The following CLCF1 variants were observed in gnomAD, a reference collection of about 807,000 sequenced individuals.
CLCF1 encodes cardiotrophin like cytokine factor 1, also known as cardiotrophin-like cytokine factor 1.
Under a neutral mutation model 21.2 loss-of-function variants are expected in CLCF1, and 10 were observed. The ratio of observed to expected loss-of-function variants is 0.47; its 90% confidence interval spans 0.29 to 0.80. The LOEUF (loss-of-function observed/expected upper bound fraction) is 0.80. Ranked by LOEUF, CLCF1 falls within the 30% of genes least tolerant of loss-of-function variation. The probability of loss-of-function intolerance (pLI) is 0.09; values close to 1 mark genes in which losing one functional copy is unlikely to be tolerated. For synonymous variants in CLCF1, 115 were observed against 120.5 expected (o/e 0.95, Z 0.30); for missense variants, 240 against 293.4 (o/e 0.82, Z 1.33).
Position 67,373,521 on chromosome 11 carries a change from T to C in CLCF1, c.16+3A>G. 1 of 1,422,186 alleles carries C rather than the reference T, an allele frequency of 7.0e-7. No homozygotes were observed. 88.1% of individuals were successfully genotyped at this position (1,422,186 alleles called of 1,614,324 possible). On this transcript the variant is annotated splice_donor_region_variant and intron_variant, in intron 1 of 2. Transcript: ENST00000312438. ...GTCGGGGCCTCGGCCGCCTGGCTCC[T>C]ACCTGCTCGGAGGTCCATGGGGCTG...
rs1385104199 is a variant in CLCF1, at chr11:67,372,081, G to A, written c.16+1443C>T. On this transcript the variant is annotated intron_variant, in intron 1 of 2. Transcript: ENST00000312438. This position sits in a 1 kb window ranked among gnomAD's most constrained non-coding sequence, Gnocchi z 5.9. ...TATGTACTCGCATCCTGTCCGGTGT[G>A]AGGGGCAACGTGTGCTCCCGAGCTG... Among the ~76,000 whole-genome samples, 3 of 152,166 alleles carry A rather than the reference G, an allele frequency of 2.0e-5. No homozygotes were observed. Among genetic ancestry groups the A allele is most frequent in the African/African-American group, 7.2e-5 (3 of 41,430 alleles).
chr11:67,373,728 T>C (rs1393289891), upstream of CLCF1: 5 of 1,182,040 alleles, frequency 4.2e-6, no homozygotes, highest in East Asian at 3.6e-5. Flanking sequence ...TTTTTTTTTT[T>C]CTGACGTGTA....
chr11:67,373,213 C>G (rs1034526234), intron 1 of CLCF1, among the ~76,000 whole-genome samples: 1 of 151,856 alleles, frequency 6.6e-6, no homozygotes, highest in Non-Finnish European at 1.5e-5. Context: ...CCGACTGGTG[C>G]GCGGGGCTCT....
At position 67,367,753 on chromosome 11, in the gene CLCF1, A is replaced by C. The variant is rs1490485342; in HGVS notation, c.17-127T>G. 5 of 1,518,060 alleles carry C rather than the reference A, an allele frequency of 3.3e-6. 1 individual carries two copies. In the South Asian group the frequency reaches 6.1e-5, roughly 18 times the overall value. 94.0% of individuals were successfully genotyped at this position (1,518,060 alleles called of 1,614,324 possible). A position where few individuals can be genotyped will look rare whatever the true frequency, so the allele number is the denominator to read the frequency against. On this transcript the variant is annotated intron_variant, in intron 1 of 2. Transcript: ENST00000312438. ...GGGTGAGGGTGGGACACCAGATGGG[A>C]GGCAGAGGGGATGGAGGAGGGGAAA...
chr11:67,368,256 A>C, intron 1 of CLCF1: 1 of 985,240 alleles, frequency 1.0e-6, no homozygotes. Context: ...TGGGAAGTGT[A>C]GGGTGGGGTT....
At chr11:67,371,131 CGT>C in intron 1 of CLCF1, 1 of 959,898 alleles carries the variant, frequency 1.0e-6, no homozygotes, top group Non-Finnish European at 1.2e-6. Flanking sequence ...GCCCCAGGGG[CGT>C]GTCCTGACCT....
chr11:67,371,206 C>T (rs1862226173), intron 1 of CLCF1: 2 of 374,286 alleles, frequency 5.3e-6, no homozygotes, highest in Admixed American at 6.4e-5. Flanking sequence ...TGCTGCTTTC[C>T]CCTCTCTTAC....
At chr11:67,370,023 G>T (rs1300351227) in intron 1 of CLCF1, 4 of 985,192 alleles carry the variant, frequency 4.1e-6, no homozygotes, top group East Asian at 1.1e-4. Flanking sequence ...CGGGTGGGGG[G>T]CAGGGGAGAA....
In CLCF1 at chr11:67,365,137, CAG is replaced by C. The variant is rs1862068289; in HGVS notation, c.675_676del (p.Phe225LeufsTer19). On this transcript the variant is annotated frameshift_variant and stop_lost, in exon 3 of 3. Coordinates refer to ENST00000312438, the MANE Select transcript of CLCF1 (RefSeq NM_013246.3). LOFTEE classifies it high-confidence loss of function. The surrounding 1 kb of genome is among the most constrained non-coding windows in gnomAD (Gnocchi z 5.0). ...GAGCGAAGAGGAGAAGGTCAGAAGT[CAG>C]AAGCCATGAGCCCCCAGGTGCAGGG... The C allele has an allele frequency of 6.2e-7, 1 of 1,613,638 alleles. No individual in the cohort carries two copies. The highest frequency in any genetic ancestry group is 8.5e-7 in the Non-Finnish European group (1 of 1,180,040).
Position 67,367,595 on chromosome 11 carries a change from G to C in CLCF1, c.48C>G (p.Cys16Trp), listed in dbSNP as rs1242939205. Residue 16 changes from cysteine (C) to tryptophan (W), a missense_variant, in exon 2 of 3, where the codon TGC becomes TGG. Physicochemically the swap from Cys to Trp is radical, Grantham distance 215 (BLOSUM62 -2). Coordinates refer to ENST00000312438, the MANE Select transcript of CLCF1 (RefSeq NM_013246.3). ...CTGCAGGGAGGTGCCAGAGCACCGT[G>C]CACAGGCACGCTAACATCCCCCACG... The part of the protein sequence containing the change: ...GDSWGMLACL[C>W]TVLWHLPAVP... 5 of 1,613,678 alleles carry C rather than the reference G, an allele frequency of 3.1e-6. No individual in the cohort carries two copies. The South Asian group carries it at 5.5e-5, about 18-fold the overall frequency.
At chr11:67,369,549 G>A in intron 1 of CLCF1, 1 of 985,358 alleles carries the variant, frequency 1.0e-6, no homozygotes, top group South Asian at 4.7e-5. Flanking sequence ...TAGGGATCTG[G>A]CAGTCACCTC....
In CLCF1 at chr11:67,365,531, G is replaced by C. The variant is rs2134873851; in HGVS notation, c.283C>G (p.Arg95Gly). 4 of 1,614,058 alleles carry C rather than the reference G, an allele frequency of 2.5e-6. No homozygotes were observed. Among genetic ancestry groups the C allele is most frequent in the Non-Finnish European group, 3.4e-6 (4 of 1,179,908 alleles). ...AGCCGCAGTTTGTCATTGAGGCTTC[G>C]CCACACCTCCAAGTCAACAGTGGCC... ...PRATVDLEVW[R>G]SLNDKLRLTQ... Residue 95 changes from arginine to glycine, a missense_variant, in exon 3 of 3, where the codon CGA becomes GGA. By Grantham distance (125) the Arg-to-Gly change is moderately radical (BLOSUM62 -2). Transcript: ENST00000312438. The surrounding 1 kb of genome is among the most constrained non-coding windows in gnomAD (Gnocchi z 5.0).
intron 1 of CLCF1, among the ~76,000 whole-genome samples, chr11:67,371,331 C>T (rs1027905389): frequency 6.6e-6 from 1 of 152,178 alleles, no homozygotes. Context: ...GCCACCAATT[C>T]GTCTGGTGAC....
intron 1 of CLCF1, chr11:67,369,630 C>T: frequency 1.0e-6 from 1 of 985,452 alleles, no homozygotes; most frequent in Non-Finnish European, 1.2e-6. Flanking sequence ...CAGCGGCCCT[C>T]CCAGCCTTGA....
Position 67,371,093 on chromosome 11 carries a change from G to A in CLCF1, c.16+2431C>T, listed in dbSNP as rs1398987707. On this transcript the variant is annotated intron_variant, in intron 1 of 2. Transcript: ENST00000312438. ...AGTGGGCTAGGGATGGAGTGGGTGA[G>A]GTCCAGGCATTGTGACGGTAGGAAA... is the stretch of plus-strand genomic sequence containing the variant. 1.7e-5 allele frequency: 17 copies of A among 985,232 alleles called. No homozygotes were observed. The Admixed American group carries it at 9.2e-4, about 53-fold the overall frequency. 61.0% of individuals were successfully genotyped at this position (985,232 alleles called of 1,614,324 possible).
At position 67,373,546 on chromosome 11, in the gene CLCF1, G is replaced by A; in HGVS notation, c.-7C>T. 7.1e-7 allele frequency: 1 copy of A among 1,402,754 alleles called. No individual in the cohort carries two copies. The allele number at this position is 1,402,754 out of a possible 1,614,324, so 86.9% of individuals were successfully genotyped here. A position where few individuals can be genotyped will look rare whatever the true frequency, so the allele number is the denominator to read the frequency against. On this transcript the variant is annotated 5_prime_UTR_variant, in exon 1 of 3. Transcript: ENST00000312438. ...TACCTGCTCGGAGGTCCATGGGGCTGGGGCCGGGCCGGCCGGGTGCGGCTC... is the reference window on the plus strand; with the variant it reads ...TACCTGCTCGGAGGTCCATGGGGCTAGGGCCGGGCCGGCCGGGTGCGGCTC...
chr11:67,370,344 G>A (rs1165099709), intron 1 of CLCF1: 1 of 985,136 alleles, frequency 1.0e-6, no homozygotes, highest in African/African-American at 1.7e-5. Flanking sequence ...TGTGCAGGTG[G>A]ACCCCGGCCA....
intron 1 of CLCF1, chr11:67,370,595 C>G: frequency 2.1e-6 from 2 of 960,888 alleles, no homozygotes; most frequent in Non-Finnish European, 2.4e-6. Flanking sequence ...CCCTAGGAAC[C>G]AAGGCTCTCC....
intron 1 of CLCF1, chr11:67,370,133 C>T: frequency 1.0e-6 from 1 of 985,404 alleles, no homozygotes; most frequent in Non-Finnish European, 1.2e-6. Context: ...GGTAGAAGGA[C>T]AGGGCTCTGC....
Sources: gnomAD v4.1 joint callset for allele counts (sites outside exome capture counted in the v4.1 genomes callset) on GRCh38, gnomAD v4.1.1 for gene constraint, Gnocchi (gnomAD v3.1) non-coding constraint, MANE v1.5 for transcripts, NCBI Gene and HGNC (gene_info 2026-07-23, HGNC 2026-07-21) for gene names.